TJP1: variants seen among roughly 807,000 people sequenced by gnomAD.
TJP1 encodes the protein tight junction protein ZO-1.
A neutral mutation model predicts 194.2 loss-of-function variants in TJP1; 43 were observed. That is an observed-to-expected ratio of 0.22 (90% CI 0.17 to 0.29). The LOEUF is 0.29. TJP1 is among the 10% of genes least tolerant of loss of function. TJP1 has a pLI of 1.00. For synonymous variants in TJP1, 801 were observed against 779.0 expected (o/e 1.03, Z -0.47); for missense variants, 1,971 against 2,185.7 (o/e 0.90, Z 1.96).
intron 2 of TJP1, among the ~76,000 whole-genome samples, chr15:29,880,260 T>C (rs552747101): frequency 3.9e-5 from 6 of 152,322 alleles, no homozygotes; most frequent in East Asian, 1.9e-4. Flanking sequence ...GTGTCCTTTG[T>C]TTAGTTTATT....
At chr15:29,949,310 T>A (rs1400578015) in intron 2 of TJP1, among the ~76,000 whole-genome samples, 2 of 75,114 alleles carry the variant, frequency 2.7e-5, no homozygotes, top group Admixed American at 2.8e-4. Flanking sequence ...CACCACCACC[T>A]CCACTTTCAC....
intron 2 of TJP1, among the ~76,000 whole-genome samples, chr15:29,887,269 A>G (rs2053147152): frequency 6.8e-6 from 1 of 147,694 alleles, no homozygotes; most frequent in African/African-American, 2.5e-5. Context: ...TAATATAAAT[A>G]TATACATATA....
chr15:29,867,663 T>G (rs2052353982), intron 2 of TJP1, among the ~76,000 whole-genome samples: 1 of 152,154 alleles, frequency 6.6e-6, no homozygotes, highest in Non-Finnish European at 1.5e-5. Context: ...ATCCCAGCAC[T>G]CTGGGAGGCT....
At chr15:29,771,901 G>C (rs1358112812) in intron 4 of TJP1, among the ~76,000 whole-genome samples, 163 bp downstream of exon 4, 1 of 151,856 alleles carries the variant, frequency 6.6e-6, no homozygotes, top group Non-Finnish European at 1.5e-5. Context: ...ACGTACCAGT[G>C]ACATACCACA....
rs556481017 is a variant in TJP1, at chr15:29,872,504, C to T, written c.307-71802G>A. Among the ~76,000 whole-genome samples the T allele has an allele frequency of 2.0e-5, 3 of 152,250 alleles. No homozygotes were observed. In the East Asian group the frequency reaches 5.8e-4, roughly 29 times the overall value. ...CACGGAGGTCTGCCCTCTGACAAGCCGAGGGCCTTAAGGCACATAACCTCT... is the reference window on the plus strand; with the variant it reads ...CACGGAGGTCTGCCCTCTGACAAGCTGAGGGCCTTAAGGCACATAACCTCT... On this transcript the variant is annotated intron_variant, in intron 2 of 28. Transcript: ENST00000356107.
intron 12 of TJP1, 75 bp downstream of exon 12, chr15:29,734,199 A>T (rs2043861269): frequency 9.6e-7 from 1 of 1,046,078 alleles, no homozygotes. Context: ...CTTATTTTTT[A>T]AAAATGGAAT....
chr15:29,949,763 A>G (rs1490933760), intron 2 of TJP1, among the ~76,000 whole-genome samples: 1 of 68,820 alleles, frequency 1.5e-5, no homozygotes, highest in African/African-American at 5.1e-5. Context: ...TTTCACCACC[A>G]CTACCTCCAC....
At chr15:29,803,900 G>C (rs1477279248) in intron 1 of TJP1, among the ~76,000 whole-genome samples, 1 of 151,946 alleles carries the variant, frequency 6.6e-6, no homozygotes, top group Non-Finnish European at 1.5e-5. Flanking sequence ...TTTATCTGAA[G>C]GAAGACCTAT....
At chr15:29,798,620 T>G (rs528691497) in intron 2 of TJP1, among the ~76,000 whole-genome samples, 1 of 152,286 alleles carries the variant, frequency 6.6e-6, no homozygotes, top group South Asian at 2.1e-4. Context: ...ATTTGACCAT[T>G]TCTTTAAAAC....
intron 2 of TJP1, among the ~76,000 whole-genome samples, chr15:29,835,210 A>T (rs943619029): frequency 2.6e-5 from 4 of 152,242 alleles, no homozygotes; most frequent in African/African-American, 9.6e-5. Context: ...TACAGTGCTT[A>T]TTATAAAACT....
At chr15:29,939,173 A>G (rs2054982002) in intron 2 of TJP1, among the ~76,000 whole-genome samples, 1 of 152,226 alleles carries the variant, frequency 6.6e-6, no homozygotes, top group African/African-American at 2.4e-5. Flanking sequence ...AACACGGAAC[A>G]TTCAAGTTCT....
At chr15:29,810,436 G>C (rs2049410883) in intron 1 of TJP1, among the ~76,000 whole-genome samples, 2 of 152,274 alleles carry the variant, frequency 1.3e-5, no homozygotes, top group South Asian at 4.1e-4. Flanking sequence ...ATATTAAGTA[G>C]TATTTCCATG....
intron 2 of TJP1, among the ~76,000 whole-genome samples, chr15:29,914,758 C>T (rs1392681589): frequency 6.6e-6 from 1 of 152,136 alleles, no homozygotes; most frequent in Non-Finnish European, 1.5e-5. Flanking sequence ...GAATTCCACT[C>T]ACACTGCTCT....
chr15:29,948,194 G>A (rs1243998872), intron 2 of TJP1, among the ~76,000 whole-genome samples: 5 of 151,304 alleles, frequency 3.3e-5, no homozygotes, highest in Non-Finnish European at 5.9e-5. Flanking sequence ...CCCAGCAGGC[G>A]GAGGTTGCAG....
chr15:29,778,812 C>T (rs1052468092), intron 2 of TJP1, among the ~76,000 whole-genome samples: 7 of 152,086 alleles, frequency 4.6e-5, no homozygotes, highest in African/African-American at 1.2e-4. Context: ...TCCATGTCAC[C>T]TCATTCATAA....
chr15:29,851,667 TG>T (rs2051646066), intron 2 of TJP1, among the ~76,000 whole-genome samples: 1 of 152,114 alleles, frequency 6.6e-6, no homozygotes, highest in African/African-American at 2.4e-5. Flanking sequence ...AAAAATAAAA[TG>T]GAAGAAATCA....
intron 2 of TJP1, among the ~76,000 whole-genome samples, chr15:29,937,044 T>C (rs2054908379): frequency 6.6e-6 from 1 of 152,244 alleles, no homozygotes; most frequent in African/African-American, 2.4e-5. Flanking sequence ...GTTATAACCA[T>C]AATATTTATA....
At chr15:29,882,212 C>T (rs2052960314) in intron 2 of TJP1, among the ~76,000 whole-genome samples, 1 of 152,130 alleles carries the variant, frequency 6.6e-6, no homozygotes, top group Non-Finnish European at 1.5e-5. Context: ...AGCACACTTA[C>T]CCCACTAGCA....
intron 2 of TJP1, among the ~76,000 whole-genome samples, chr15:29,794,222 G>A (rs909372840): frequency 3.3e-5 from 5 of 152,100 alleles, no homozygotes; most frequent in African/African-American, 4.8e-5. Context: ...AGGGATGGCT[G>A]GTGAGGACTT....
Sources: allele counts gnomAD v4.1 joint callset (sites outside exome capture counted in the v4.1 genomes callset), GRCh38; gene constraint gnomAD v4.1.1; transcripts MANE v1.5; gene names NCBI Gene and HGNC (gene_info 2026-07-23, HGNC 2026-07-21).